NECAB2: variants seen among roughly 807,000 people sequenced by gnomAD.
NECAB2 encodes the protein N-terminal EF-hand calcium-binding protein 2.
Under a neutral mutation model 51.9 loss-of-function variants are expected in NECAB2, and 68 were observed. The observed-to-expected ratio is 1.31, with a 90% CI of 1.08 to 1.60. NECAB2 has a LOEUF of 1.60. Among genes scored for constraint, NECAB2 ranks in the 40% most tolerant of loss-of-function variants. NECAB2 has a pLI of 0.00. For synonymous variants in NECAB2, 329 were observed against 203.5 expected, an observed-to-expected ratio of 1.62 and a Z score of -5.25; for missense variants, 854 against 490.3, an observed-to-expected ratio of 1.74 and a Z score of -7.00.
intron 6 of NECAB2, among the ~76,000 whole-genome samples, chr16:83,991,305 C>G (rs1277119922): frequency 6.7e-6 from 1 of 150,374 alleles, no homozygotes; most frequent in East Asian, 1.9e-4. Flanking sequence ...CTCTCTCTCT[C>G]TTTCTTTCTC....
chr16:83,984,689 C>T (rs550872697), intron 5 of NECAB2, among the ~76,000 whole-genome samples: 265 of 152,170 alleles, frequency 1.7e-3, no homozygotes, highest in African/African-American at 5.9e-3. Flanking sequence ...CACAGCATGC[C>T]GCTGCAACCC....
intron 1 of NECAB2, among the ~76,000 whole-genome samples, chr16:83,970,268 C>G (rs563402446): frequency 6.6e-6 from 1 of 152,132 alleles, no homozygotes; most frequent in African/African-American, 2.4e-5. Context: ...GGTGTCAGCC[C>G]TGCCATGTCA....
In NECAB2 at chr16:83,968,662, C is replaced by A; in HGVS notation, c.14C>A (p.Ala5Glu). The change falls in exon 1 of 13, where the codon GCG becomes GAG. Residue 5 changes from alanine to glutamate, a missense_variant. Transcript: ENST00000305202. Reference protein sequence around the residue: MCERAARLCRAGAHR... With the variant: MCEREARLCRAGAHR... ...GGGCGCGGCGCGATGTGCGAGCGGG[C>A]GGCGCGCCTGTGCAGGGCCGGCGCG... 1 of 982,016 alleles carries A rather than the reference C, an allele frequency of 1.0e-6. No individual in the cohort carries two copies. The highest frequency in any genetic ancestry group is 1.2e-6 in the Non-Finnish European group (1 of 829,378). The allele number at this position is 982,016 out of a possible 1,614,324, so 60.8% of individuals were successfully genotyped here.
intron 2 of NECAB2, among the ~76,000 whole-genome samples, chr16:83,976,935 C>G (rs2084418174): frequency 1.3e-5 from 2 of 152,232 alleles, no homozygotes; most frequent in Admixed American, 1.3e-4. Flanking sequence ...TTAAGAATGA[C>G]TCATTCTCAA....
In NECAB2 at chr16:83,968,863, G is replaced by A. The variant is rs1318079828; in HGVS notation, c.201+14G>A. On this transcript the variant is annotated intron_variant, in intron 1 of 12. Coordinates refer to ENST00000305202, the MANE Select transcript of NECAB2 (RefSeq NM_019065.3). Reference sequence around the variant, plus strand: ...GTCATCCTGGACGTGAGTACGCGCCGGCCGGGACCCCCGCCGTGGCCTCCG... The same window carrying A: ...GTCATCCTGGACGTGAGTACGCGCCAGCCGGGACCCCCGCCGTGGCCTCCG... 6 of 1,116,058 alleles carry A rather than the reference G, an allele frequency of 5.4e-6. No homozygotes were observed. Among genetic ancestry groups the A allele is most frequent in the Non-Finnish European group, 5.5e-6 (5 of 914,174 alleles). 69.1% of individuals were successfully genotyped at this position (1,116,058 alleles called of 1,614,324 possible). A position where few individuals can be genotyped will look rare whatever the true frequency, so the allele number is the denominator to read the frequency against.
chr16:83,974,383 C>A (rs755558796), intron 2 of NECAB2, among the ~76,000 whole-genome samples: 3 of 152,160 alleles, frequency 2.0e-5, no homozygotes, highest in African/African-American at 7.2e-5. Context: ...CTCCTGGCTT[C>A]GCTCATTGAA....
chr16:83,993,821 G>C (rs1392480848), intron 6 of NECAB2, among the ~76,000 whole-genome samples: 1 of 152,140 alleles, frequency 6.6e-6, no homozygotes, highest in Non-Finnish European at 1.5e-5. Context: ...CCGACTGTCA[G>C]TGTCTCTTTA....
chr16:83,965,438 C>A, upstream of NECAB2: 1 of 1,593,160 alleles, frequency 6.3e-7, no homozygotes, highest in Non-Finnish European at 8.5e-7. Context: ...AGACCCTGTC[C>A]TCATCATTGG....
intron 11 of NECAB2, 47 bp downstream of exon 11, chr16:84,000,848 G>C (rs540672557): frequency 5.4e-5 from 84 of 1,565,746 alleles, no homozygotes; most frequent in Non-Finnish European, 7.0e-5. Flanking sequence ...AGAGGGAAGT[G>C]GGGGGGCTGT....
At chr16:83,984,234 A>G (rs1242847076) in intron 5 of NECAB2, among the ~76,000 whole-genome samples, 1 of 151,660 alleles carries the variant, frequency 6.6e-6, no homozygotes, top group Non-Finnish European at 1.5e-5. Flanking sequence ...TGACCTCGTG[A>G]TCTGTCCTCC....
rs780108957 is a variant in NECAB2, at chr16:84,002,318, C to T, written c.1133C>T (p.Ala378Val). The T allele has an allele frequency of 1.9e-6, 3 of 1,613,948 alleles. No individual in the cohort carries two copies. Among genetic ancestry groups the T allele is most frequent in the South Asian group, 1.1e-5 (1 of 91,076 alleles). ...CTCTAACGTGTCTCTCTCCTTTTAG[C>T]TGCTTGGTGCACGGTGGGACGGGAC... ...PEALSRILVP[A>V]AWCTVGRD The change falls in exon 13 of 13, where the codon GCT becomes GTT. Residue 378 changes from alanine to valine, a missense_variant and splice_region_variant. Physicochemically the swap from Ala to Val is moderately conservative, Grantham distance 64. Coordinates refer to ENST00000305202, the MANE Select transcript of NECAB2 (RefSeq NM_019065.3).
chr16:84,001,185 T>G (rs961070134), intron 11 of NECAB2, among the ~76,000 whole-genome samples: 2 of 151,900 alleles, frequency 1.3e-5, no homozygotes, highest in Non-Finnish European at 2.9e-5. Flanking sequence ...TAACCTCCCC[T>G]CCAGCTGAGT....
intron 7 of NECAB2, 67 bp downstream of exon 7, chr16:83,994,487 T>C: frequency 1.3e-6 from 2 of 1,586,302 alleles, no homozygotes; most frequent in Non-Finnish European, 1.7e-6. Context: ...GAGAGTCCTC[T>C]GACAGGGACT....
chr16:83,988,611 G>A (rs181791778), intron 5 of NECAB2, among the ~76,000 whole-genome samples: 4 of 152,278 alleles, frequency 2.6e-5, no homozygotes, highest in Admixed American at 2.0e-4. Flanking sequence ...CCCATATGAA[G>A]AACTCTCTCT....
Position 83,968,793 on chromosome 16 carries a change from G to T in NECAB2, c.145G>T (p.Ala49Ser), listed in dbSNP as rs2084317741. The change falls in exon 1 of 13, where the codon GCC (alanine) becomes TCC (serine). Residue 49 changes from alanine (A) to serine (S), a missense_variant. Transcript: ENST00000305202. ...GCCCCGGGAGTCGCTGGCCCCCGCCGCCCCCGCGGACCCCGGCCCAGCCTC... is the reference window on the plus strand; with the variant it reads ...GCCCCGGGAGTCGCTGGCCCCCGCCTCCCCCGCGGACCCCGGCCCAGCCTC... ...GEPRESLAPA[A>S]PADPGPASPR... 5 of 1,116,686 alleles carry T rather than the reference G, an allele frequency of 4.5e-6. No individual in the cohort carries two copies. The highest frequency in any genetic ancestry group is 3.3e-5 in the African/African-American group (2 of 59,962). 69.2% of individuals were successfully genotyped at this position (1,116,686 alleles called of 1,614,324 possible). A position where few individuals can be genotyped will look rare whatever the true frequency, so the allele number is the denominator to read the frequency against.
chr16:83,973,486 G>T (rs532308819), intron 2 of NECAB2, among the ~76,000 whole-genome samples: 3 of 152,312 alleles, frequency 2.0e-5, no homozygotes, highest in Non-Finnish European at 4.4e-5. Flanking sequence ...ACCATCAGCA[G>T]TGATTCCATA....
At chr16:83,996,543 G>A (rs2084701849) in intron 8 of NECAB2, among the ~76,000 whole-genome samples, 2 of 151,876 alleles carry the variant, frequency 1.3e-5, no homozygotes, top group African/African-American at 4.8e-5. Context: ...TAGCCACAGA[G>A]GTGGTTAGTG....
In NECAB2 at chr16:83,994,725, A is replaced by G. The variant is rs1199043761; in HGVS notation, c.795+37A>G. 3 of 1,604,196 alleles carry G rather than the reference A, an allele frequency of 1.9e-6. No individual in the cohort carries two copies. The African/African-American group carries it at 4.0e-5, about 21-fold the overall frequency. On this transcript the variant is annotated intron_variant, in intron 8 of 12. Coordinates refer to ENST00000305202, the MANE Select transcript of NECAB2 (RefSeq NM_019065.3). ...CCTGACCACGGCGTCTACTCCTTCC[A>G]ACCCCTGAGGGAGTGCAGAGTTAAG...
chr16:83,999,378 G>A (rs1029399073), intron 10 of NECAB2, among the ~76,000 whole-genome samples: 2 of 152,156 alleles, frequency 1.3e-5, no homozygotes, highest in Non-Finnish European at 2.9e-5. Context: ...GGTGAAGTAG[G>A]GCCACCCCGA....
Sources: gnomAD v4.1 joint callset for allele counts (sites outside exome capture counted in the v4.1 genomes callset) on GRCh38, gnomAD v4.1.1 for gene constraint, MANE v1.5 for transcripts, NCBI Gene and HGNC (gene_info 2026-07-23, HGNC 2026-07-21) for gene names.